The following SSH2 variants were observed in gnomAD, a reference collection of about 807,000 sequenced individuals.
SSH2 encodes slingshot protein phosphatase 2.
A neutral mutation model predicts 135.2 loss-of-function variants in SSH2; 37 were observed. That is an observed-to-expected ratio of 0.27 (90% CI 0.21 to 0.36). SSH2 has a LOEUF of 0.36. Ranked by LOEUF, SSH2 falls within the 10% of genes least tolerant of loss-of-function variation. The probability of loss-of-function intolerance (pLI) is 1.00; values close to 1 mark genes in which losing one functional copy is unlikely to be tolerated. For missense variants in SSH2, 1,408 were observed against 1,765.3 expected, an observed-to-expected ratio of 0.80 and a Z score of 3.63; for synonymous variants, 628 against 646.2, an observed-to-expected ratio of 0.97 and a Z score of 0.43.
chr17:29,641,899 G>T (rs968733549), intron 14 of SSH2, among the ~76,000 whole-genome samples: 2 of 151,460 alleles, frequency 1.3e-5, no homozygotes, highest in African/African-American at 2.4e-5. Flanking sequence ...TAGAGCCTAG[G>T]AGTTGAGTGA....
chr17:29,905,717 G>A (rs1470645294), intron 1 of SSH2, among the ~76,000 whole-genome samples: 1 of 152,196 alleles, frequency 6.6e-6, no homozygotes, highest in African/African-American at 2.4e-5. Context: ...AGGCCAGGGA[G>A]GGCCTGTGGG....
intron 3 of SSH2, among the ~76,000 whole-genome samples, chr17:29,731,272 T>G (rs1386427778): frequency 6.6e-6 from 1 of 152,170 alleles, no homozygotes; most frequent in East Asian, 1.9e-4. Context: ...TTTCCTCATA[T>G]TAACATTATA....
intron 1 of SSH2, among the ~76,000 whole-genome samples, chr17:29,852,239 G>A (rs953244933): frequency 4.6e-5 from 7 of 151,610 alleles, no homozygotes; most frequent in African/African-American, 9.7e-5. Flanking sequence ...CCAAGATCAC[G>A]CCACCAGAAT....
At chr17:29,804,130 T>G (rs2042298751) in intron 2 of SSH2, among the ~76,000 whole-genome samples, 1 of 152,174 alleles carries the variant, frequency 6.6e-6, no homozygotes, top group South Asian at 2.1e-4. Flanking sequence ...AGATATGACA[T>G]GCATTAAAGT....
intron 1 of SSH2, among the ~76,000 whole-genome samples, chr17:29,895,606 T>C (rs1227320469): frequency 1.8e-5 from 1 of 55,698 alleles, no homozygotes; most frequent in East Asian, 3.6e-4. Context: ...ATATATTTTA[T>C]ATATACATTT....
chr17:29,865,495 G>A (rs2065838306), intron 1 of SSH2, among the ~76,000 whole-genome samples: 1 of 152,200 alleles, frequency 6.6e-6, no homozygotes, highest in South Asian at 2.1e-4. Context: ...TGTATCATTT[G>A]TCAGGGCTCT....
At chr17:29,915,626 C>T (rs567248170) in intron 1 of SSH2, among the ~76,000 whole-genome samples, 61 of 152,126 alleles carry the variant, frequency 4.0e-4, no homozygotes, top group African/African-American at 1.3e-3. Flanking sequence ...TAAGCATAGC[C>T]TATTAAATTG....
At chr17:29,726,278 A>G (rs1180004315) in intron 3 of SSH2, among the ~76,000 whole-genome samples, 1 of 152,216 alleles carries the variant, frequency 6.6e-6, no homozygotes, top group East Asian at 1.9e-4. Flanking sequence ...CAGCATGTGC[A>G]AAGGCCTGGT....
At chr17:29,877,710 C>T (rs1436824381) in intron 1 of SSH2, among the ~76,000 whole-genome samples, 1 of 150,500 alleles carries the variant, frequency 6.6e-6, no homozygotes, top group African/African-American at 2.5e-5. Flanking sequence ...GGATGGTTAA[C>T]AGAGGCTGAG....
intron 8 of SSH2, among the ~76,000 whole-genome samples, chr17:29,675,113 A>C (rs562455082): frequency 6.6e-6 from 1 of 152,278 alleles, no homozygotes; most frequent in South Asian, 2.1e-4. Context: ...GGGGGTCATA[A>C]ATTTCCTGTT....
chr17:29,813,284 A>G (rs1454711744), intron 2 of SSH2, among the ~76,000 whole-genome samples: 2 of 148,684 alleles, frequency 1.3e-5, no homozygotes, highest in East Asian at 2.0e-4. Context: ...TTGGGAGGCT[A>G]AGGCAGGAGA....
intron 1 of SSH2, among the ~76,000 whole-genome samples, chr17:29,897,961 G>A (rs1396461787): frequency 1.3e-5 from 2 of 151,948 alleles, no homozygotes; most frequent in African/African-American, 2.4e-5. Flanking sequence ...CCTGGAACTC[G>A]GGATCAAGAA....
At chr17:29,763,496 A>G (rs534515828) in intron 3 of SSH2, among the ~76,000 whole-genome samples, 1 of 133,632 alleles carries the variant, frequency 7.5e-6, no homozygotes, top group East Asian at 2.1e-4. Flanking sequence ...TGCTGTGATT[A>G]AAAAAAAAAA....
At chr17:29,767,060 G>A (rs1015132377) in intron 3 of SSH2, among the ~76,000 whole-genome samples, 1 of 152,188 alleles carries the variant, frequency 6.6e-6, no homozygotes, top group African/African-American at 2.4e-5. Context: ...ACTGGATTAA[G>A]CAATGTCACT....
At chr17:29,701,321 G>A (rs1215575505) in intron 4 of SSH2, among the ~76,000 whole-genome samples, 1 of 151,842 alleles carries the variant, frequency 6.6e-6, no homozygotes, top group Non-Finnish European at 1.5e-5. Flanking sequence ...TAGCCAGGCT[G>A]GTCTCAAACT....
intron 2 of SSH2, among the ~76,000 whole-genome samples, chr17:29,803,440 G>C (rs1344818539): frequency 6.6e-6 from 1 of 152,098 alleles, no homozygotes; most frequent in Non-Finnish European, 1.5e-5. Context: ...TTTATCTTGG[G>C]CTTCCTCAAA....
chr17:29,736,862 G>T (rs1190742388), intron 3 of SSH2, among the ~76,000 whole-genome samples: 2 of 146,010 alleles, frequency 1.4e-5, no homozygotes, highest in East Asian at 4.1e-4. Context: ...CACTTTGGGA[G>T]GTCGAGGCAG....
chr17:29,655,491 G>T (rs1195836523), intron 12 of SSH2, 70 bp downstream of exon 12: 6 of 1,401,438 alleles, frequency 4.3e-6, no homozygotes, highest in Middle Eastern at 1.8e-4. Flanking sequence ...ATACCTCTTT[G>T]ATGGGAAAAT....
intron 1 of SSH2, among the ~76,000 whole-genome samples, chr17:29,896,470 T>G (rs1211071792): frequency 6.7e-6 from 1 of 149,748 alleles, no homozygotes. Flanking sequence ...ATAGCTTATA[T>G]GCAAATACTA....
Sources: gnomAD v4.1 joint callset for allele counts (sites outside exome capture counted in the v4.1 genomes callset) on GRCh38, gnomAD v4.1.1 for gene constraint, MANE v1.5 for transcripts, NCBI Gene and HGNC (gene_info 2026-07-23, HGNC 2026-07-21) for gene names.